SHLD3: variants seen among roughly 807,000 people sequenced by gnomAD.
The protein encoded by SHLD3 is REV7-interacting novel NHEJ regulator 1.
A neutral mutation model predicts 21.4 loss-of-function variants in SHLD3; 15 were observed. That is an observed-to-expected ratio of 0.70 (90% CI 0.47 to 1.08). SHLD3 has a LOEUF of 1.08. Among genes scored for constraint, SHLD3 ranks in the 50% least tolerant of loss-of-function variants. The pLI, the probability that SHLD3 is intolerant of heterozygous loss-of-function variation, is 0.00. For missense variants in SHLD3, 273 were observed against 286.1 expected, an observed-to-expected ratio of 0.95 and a Z score of 0.33; for synonymous variants, 103 against 97.2, an observed-to-expected ratio of 1.06 and a Z score of -0.35.
rs1755427869 is a variant in SHLD3, at chr5:65,629,506, G to C, written c.-82G>C. On this transcript the variant is annotated 5_prime_UTR_variant, in exon 2 of 2. Transcript: ENST00000510585. Reference sequence around the variant, plus strand: ...CTGATTTGGCAAGAGAGACAATCTTGCAATAATAAATTAACATTCTAGCTC... The same window carrying C: ...CTGATTTGGCAAGAGAGACAATCTTCCAATAATAAATTAACATTCTAGCTC... 1.0e-5 allele frequency: 15 copies of C among 1,438,582 alleles called. No homozygotes were observed. The highest frequency in any genetic ancestry group is 1.4e-5 in the Non-Finnish European group (15 of 1,101,486). The allele number at this position is 1,438,582 out of a possible 1,614,324, so 89.1% of individuals were successfully genotyped here.
chr5:65,629,976 G>C lies in SHLD3; in HGVS notation c.389G>C (p.Arg130Thr), dbSNP rs1410000923. The change falls in exon 2 of 2, where the codon AGA becomes ACA. Residue 130 changes from arginine (R) to threonine (T), a missense_variant. By Grantham distance (71) the Arg-to-Thr change is moderately conservative. Transcript: ENST00000510585. ...QSEKGKQHKR[R>T]SWSISLPSNN... ...GAAAAGGGAAAACAGCACAAGAGGA[G>C]ATCTTGGAGTATTTCCCTTCCCAGC... The C allele has an allele frequency of 6.5e-7, 1 of 1,535,988 alleles. No homozygotes were observed. The highest frequency in any genetic ancestry group is 1.4e-5 in the African/African-American group (1 of 73,160).
Position 65,625,332 on chromosome 5 carries a change from G to C in SHLD3, c.-121+226G>C. 1.5e-5 allele frequency: 7 copies of C among 459,394 alleles called. No individual in the cohort carries two copies. The South Asian group carries it at 2.8e-4, about 18-fold the overall frequency. 28.5% of individuals were successfully genotyped at this position (459,394 alleles called of 1,614,324 possible). A position where few individuals can be genotyped will look rare whatever the true frequency, so the allele number is the denominator to read the frequency against. On this transcript the variant is annotated intron_variant, in intron 1 of 1. Transcript: ENST00000510585. ...CCTGGTAAATCGTTCTTTCTGATCT[G>C]TGCTGCTTCAGTCACGAGATTTTAG...
chr5:65,629,383 G>T, intron 1 of SHLD3, 85 bp from the exon 2 acceptor site: 3 of 1,085,882 alleles, frequency 2.8e-6, no homozygotes, highest in African/African-American at 1.6e-5. Flanking sequence ...ATTGGTTTTT[G>T]TTTTTTGTTT....
chr5:65,629,797 G>A lies in SHLD3; in HGVS notation c.210G>A (p.Gln70=). The change falls in exon 2 of 2, where the codon CAG becomes CAA. Residue 70 remains glutamine (Q), a synonymous_variant. Coordinates refer to ENST00000510585, the MANE Select transcript of SHLD3 (RefSeq NM_001365341.2). The part of the protein sequence containing the change: ...ISEEAAEDVK[Q]YLTISEHDAK... ...AAGAGGCAGCTGAAGATGTGAAACA[G>A]TACTTAACCATTTCAGAACATGATG... The A allele has an allele frequency of 6.5e-7, 1 of 1,536,094 alleles. No homozygotes were observed. The highest frequency in any genetic ancestry group is 1.4e-5 in the African/African-American group (1 of 73,170).
At chr5:65,628,591 C>CTGGG (rs1755361159) in intron 1 of SHLD3, among the ~76,000 whole-genome samples, 3 of 151,854 alleles carry the variant, frequency 2.0e-5, no homozygotes, top group Non-Finnish European at 2.9e-5. Context: ...CCTCCCTCAG[C>CTGGG]CTCCTGAGTA....
rs1755496192 is a variant in SHLD3 at position 65,630,507 on chromosome 5, T to C, written c.*167T>C. The C allele has an allele frequency of 7.5e-7, 1 of 1,334,104 alleles. No individual in the cohort carries two copies. The highest frequency in any genetic ancestry group is 9.5e-7 in the Non-Finnish European group (1 of 1,047,592). The allele number at this position is 1,334,104 out of a possible 1,614,324, so 82.6% of individuals were successfully genotyped here. ...AGTTCTGCTTATTGGCAGCCTTCTTTTAAATGTGATAAATTATTGTTTACA... is the reference window on the plus strand; with the variant it reads ...AGTTCTGCTTATTGGCAGCCTTCTTCTAAATGTGATAAATTATTGTTTACA... On this transcript the variant is annotated 3_prime_UTR_variant, in exon 2 of 2. Coordinates refer to ENST00000510585, the MANE Select transcript of SHLD3 (RefSeq NM_001365341.2).
In SHLD3 at chr5:65,630,464, TA is replaced by T; in HGVS notation, c.*126del. ...TTTTAGAATTCCTAGGCTTGTCAAT[TA>T]AGTCAAGAAATTGCTGAGTTCTGCT... is the stretch of plus-strand genomic sequence containing the variant. On this transcript the variant is annotated 3_prime_UTR_variant, in exon 2 of 2. Coordinates refer to ENST00000510585, the MANE Select transcript of SHLD3 (RefSeq NM_001365341.2). The T allele has an allele frequency of 7.2e-7, 1 of 1,389,378 alleles. No homozygotes were observed. The highest frequency in any genetic ancestry group is 9.3e-7 in the Non-Finnish European group (1 of 1,078,470). 86.1% of individuals were successfully genotyped at this position (1,389,378 alleles called of 1,614,324 possible). A position where few individuals can be genotyped will look rare whatever the true frequency, so the allele number is the denominator to read the frequency against.
At chr5:65,628,575 G>A (rs948865678) in intron 1 of SHLD3, among the ~76,000 whole-genome samples, 13 of 151,208 alleles carry the variant, frequency 8.6e-5, no homozygotes, top group Admixed American at 3.3e-4. Context: ...GGGTTCAAGC[G>A]ATTCTCCTCC....
In SHLD3 at chr5:65,625,042, G is replaced by C. The variant is rs779171028; in HGVS notation, c.-185G>C. The C allele has an allele frequency of 1.1e-5, 17 of 1,612,056 alleles. No individual in the cohort carries two copies. Among genetic ancestry groups the C allele is most frequent in the African/African-American group, 5.3e-5 (4 of 74,864 alleles). ...CCTGTCCAGCCCCCGTAGGCTGTGG[G>C]TCAAAAGTGCCGGTCAAAATGGAAG... On this transcript the variant is annotated 5_prime_UTR_variant, in exon 1 of 2. Transcript: ENST00000510585.
In SHLD3 at chr5:65,630,415, C is replaced by T. The variant is rs1581206728; in HGVS notation, c.*75C>T. 3 of 1,402,552 alleles carry T rather than the reference C, an allele frequency of 2.1e-6. No homozygotes were observed. Among genetic ancestry groups the T allele is most frequent in the Non-Finnish European group, 1.8e-6 (2 of 1,084,010 alleles). The allele number at this position is 1,402,552 out of a possible 1,614,324, so 86.9% of individuals were successfully genotyped here. A position where few individuals can be genotyped will look rare whatever the true frequency, so the allele number is the denominator to read the frequency against. On this transcript the variant is annotated 3_prime_UTR_variant, in exon 2 of 2. Transcript: ENST00000510585. ...ATTGAAATAGATAAAATAATTTTTA[C>T]AGGTTTTAAAATTTTTAATGACTTT... is the stretch of plus-strand genomic sequence containing the variant.
At chr5:65,628,917 A>G (rs1198000685) in intron 1 of SHLD3, among the ~76,000 whole-genome samples, 1 of 151,730 alleles carries the variant, frequency 6.6e-6, no homozygotes, top group Non-Finnish European at 1.5e-5. Flanking sequence ...TCCCAGGTTC[A>G]AGCTATTCTC....
In SHLD3 at chr5:65,630,344, A is replaced by T; in HGVS notation, c.*4A>T. 1 of 1,482,932 alleles carries T rather than the reference A, an allele frequency of 6.7e-7. No individual in the cohort carries two copies. The highest frequency in any genetic ancestry group is 8.9e-7 in the Non-Finnish European group (1 of 1,119,072). 91.9% of individuals were successfully genotyped at this position (1,482,932 alleles called of 1,614,324 possible). A position where few individuals can be genotyped will look rare whatever the true frequency, so the allele number is the denominator to read the frequency against. On this transcript the variant is annotated 3_prime_UTR_variant, in exon 2 of 2. Coordinates refer to ENST00000510585, the MANE Select transcript of SHLD3 (RefSeq NM_001365341.2). ...TGGTGTTATTTTTAGTATGTAATGA[A>T]TTCCACTGATTGTCAAAAAGAATAT...
At chr5:65,628,398 A>G (rs1342039528) in intron 1 of SHLD3, among the ~76,000 whole-genome samples, 1 of 152,174 alleles carries the variant, frequency 6.6e-6, no homozygotes, top group African/African-American at 2.4e-5. Context: ...AGTTTTTACT[A>G]CAGAGAATGA....
Position 65,630,376 on chromosome 5 carries a change from T to A in SHLD3, c.*36T>A. 6.9e-7 allele frequency: 1 copy of A among 1,449,922 alleles called. No individual in the cohort carries two copies. Among genetic ancestry groups the A allele is most frequent in the Non-Finnish European group, 9.0e-7 (1 of 1,106,564 alleles). The allele number at this position is 1,449,922 out of a possible 1,614,324, so 89.8% of individuals were successfully genotyped here. On this transcript the variant is annotated 3_prime_UTR_variant, in exon 2 of 2. Transcript: ENST00000510585. ...TGATTGTCAAAAAGAATATTCTGAA[T>A]GAAATGAATATGGATTGAAATAGAT...
Position 65,629,820 on chromosome 5 carries a change from A to C in SHLD3, c.233A>C (p.Asp78Ala). Reference protein sequence around the residue: ...VKQYLTISEHDAKSHSYDCTV... With the variant: ...VKQYLTISEHAAKSHSYDCTV... ...CAGTACTTAACCATTTCAGAACATG[A>C]TGCTAAGTCACACAGTTATGATTGC... Residue 78 changes from aspartate (D) to alanine (A), a missense_variant, in exon 2 of 2, where the codon GAT (aspartate) becomes GCT (alanine). Coordinates refer to ENST00000510585, the MANE Select transcript of SHLD3 (RefSeq NM_001365341.2). 1 of 1,536,086 alleles carries C rather than the reference A, an allele frequency of 6.5e-7. No homozygotes were observed.
At position 65,629,760 on chromosome 5, in the gene SHLD3, C is replaced by T; in HGVS notation, c.173C>T (p.Pro58Leu). ...CCACTCAGACCTAAAAGATCACCAC[C>T]TGTGATTTCTGAAGAGGCAGCTGAA... ...KLPLRPKRSP[P>L]VISEEAAEDV... The change falls in exon 2 of 2, where the codon CCT becomes CTT. Residue 58 changes from proline (P) to leucine (L), a missense_variant. Pro to Leu is a moderately conservative substitution (Grantham distance 98). Transcript: ENST00000510585. 1 of 1,536,060 alleles carries T rather than the reference C, an allele frequency of 6.5e-7. No individual in the cohort carries two copies. Among genetic ancestry groups the T allele is most frequent in the Non-Finnish European group, 8.7e-7 (1 of 1,146,890 alleles).
chr5:65,626,031 T>C (rs1399949106), intron 1 of SHLD3: 2 of 152,228 alleles, frequency 1.3e-5, no homozygotes, highest in Non-Finnish European at 2.9e-5. Context: ...AGCGAGATTG[T>C]CTCTTACTGT....
chr5:65,627,641 G>T (rs566278901), intron 1 of SHLD3, among the ~76,000 whole-genome samples: 3 of 149,182 alleles, frequency 2.0e-5, no homozygotes, highest in Non-Finnish European at 4.4e-5. Context: ...AAAAAAAAAA[G>T]TCATCCCTTG....
At position 65,628,374 on chromosome 5, in the gene SHLD3, A is replaced by G. The variant is rs1278422952; in HGVS notation, c.-120-1094A>G. Among the ~76,000 whole-genome samples, 3 of 152,342 alleles carry G rather than the reference A, an allele frequency of 2.0e-5. No individual in the cohort carries two copies. The East Asian group carries it at 5.8e-4, about 29-fold the overall frequency. On this transcript the variant is annotated intron_variant, in intron 1 of 1. Transcript: ENST00000510585. ...TAAACCATATTAGCAAAGTTAAACC[A>G]TATTAATGGTTTTAGTTTTTACTAC...
Sources: allele counts gnomAD v4.1 joint callset (sites outside exome capture counted in the v4.1 genomes callset), GRCh38; gene constraint gnomAD v4.1.1; transcripts MANE v1.5; gene names NCBI Gene and HGNC (gene_info 2026-07-23, HGNC 2026-07-21).